The following PCYT2 variants were observed in gnomAD, a reference collection of about 807,000 sequenced individuals.
PCYT2 encodes the protein phosphate cytidylyltransferase 2, ethanolamine, also known as ethanolamine-phosphate cytidylyltransferase.
In PCYT2, 33 loss-of-function variants were observed where a neutral mutation model predicts 50.0. The observed-to-expected ratio is 0.66, with a 90% CI of 0.50 to 0.88. The LOEUF is 0.88. PCYT2 is among the 40% of genes least tolerant of loss of function. The probability of loss-of-function intolerance (pLI) is 0.00; values close to 1 mark genes in which losing one functional copy is unlikely to be tolerated. For missense variants in PCYT2, 430 were observed against 519.7 expected (o/e 0.83, Z 1.68); for synonymous variants, 240 against 203.7 (o/e 1.18, Z -1.52).
At position 81,906,803 on chromosome 17, in the gene PCYT2, T is replaced by C; in HGVS notation, c.633A>G (p.Pro211=). The C allele has an allele frequency of 6.2e-7, 1 of 1,613,490 alleles. No individual in the cohort carries two copies. Among genetic ancestry groups the C allele is most frequent in the Non-Finnish European group, 8.5e-7 (1 of 1,179,960 alleles). ...IQFASGKEPQ[P]GETVIYVAGA... ...CAGCCACATAGATGACTGTCTCCCC[T>C]GGCTGGGGCTCCTTCCCAGAAGCAA... The change falls in exon 7 of 13, where the codon CCA becomes CCG. Residue 211 remains proline, a synonymous_variant. Transcript: ENST00000538936.
chr17:81,906,675 C>G, intron 7 of PCYT2, 85 bp downstream of exon 7: 1 of 1,592,576 alleles, frequency 6.3e-7, no homozygotes, highest in South Asian at 1.1e-5. Flanking sequence ...CCAGCCCAGT[C>G]TGGGGGCCCC....
At chr17:81,909,091 G>A (rs912772733) in intron 2 of PCYT2, 54 bp from the exon 3 acceptor site, 19 of 1,575,442 alleles carry the variant, frequency 1.2e-5, no homozygotes, top group African/African-American at 7.3e-5. Context: ...GGCCCCTCCA[G>A]TAGGAGGCCC....
At chr17:81,904,996 G>A (rs2040168545) in intron 12 of PCYT2, 52 bp from the exon 13 acceptor site, 1 of 1,587,254 alleles carries the variant, frequency 6.3e-7, no homozygotes, top group South Asian at 1.1e-5. Context: ...CGGCTCCGAG[G>A]GGGAGGGCAC....
intron 4 of PCYT2, 61 bp downstream of exon 4, chr17:81,908,507 G>A (rs766839917): frequency 8.9e-5 from 118 of 1,320,956 alleles, no homozygotes; most frequent in Admixed American, 2.4e-4. Flanking sequence ...AGCAAAGCAC[G>A]AGCCAGGAGG....
intron 3 of PCYT2, 49 bp downstream of exon 3, chr17:81,908,827 T>C: frequency 6.4e-7 from 1 of 1,550,552 alleles, no homozygotes; most frequent in Non-Finnish European, 8.9e-7. Context: ...GATCTGATCC[T>C]GAGCCACCTG....
intron 1 of PCYT2, among the ~76,000 whole-genome samples, chr17:81,910,689 C>T (rs2040546510): frequency 6.6e-6 from 1 of 152,262 alleles, no homozygotes; most frequent in African/African-American, 2.4e-5. Context: ...TTCCTGGATT[C>T]CATCCGGCAG....
rs374341998 is a variant in PCYT2 at position 81,904,920 on chromosome 17, C to T, written c.1083G>A (p.Gln361=). The change falls in exon 13 of 13, where the codon CAG becomes CAA. Residue 361 remains glutamine (Q), a synonymous_variant. Coordinates refer to ENST00000538936, the MANE Select transcript of PCYT2 (RefSeq NM_002861.5). ...AGGCCAGCTCCTTGGCTTCCTTCTTCTGGTTTCGCGCCTCATACTCCAACC... is the reference window on the plus strand; with the variant it reads ...AGGCCAGCTCCTTGGCTTCCTTCTTTTGGTTTCGCGCCTCATACTCCAACC... ...TNRLEYEARN[Q]KKEAKELAFL... The T allele has an allele frequency of 2.9e-5, 47 of 1,610,920 alleles. No homozygotes were observed. Among genetic ancestry groups the T allele is most frequent in the Middle Eastern group, 1.6e-4 (1 of 6,080 alleles).
intron 1 of PCYT2, chr17:81,911,021 C>T: frequency 1.0e-6 from 1 of 997,332 alleles, no homozygotes; most frequent in Non-Finnish European, 1.2e-6. Flanking sequence ...GGTGGCTGCA[C>T]CGGAGAGGTC....
At chr17:81,907,087 C>T (rs1206166480) in intron 6 of PCYT2, 189 bp from the exon 7 acceptor site, 21 of 1,078,674 alleles carry the variant, frequency 1.9e-5, no homozygotes, top group South Asian at 6.2e-5. Context: ...CAGCAGGCAC[C>T]GCAGCAGACA....
At chr17:81,911,132 C>T in intron 1 of PCYT2, 135 bp downstream of exon 1, 1 of 1,002,220 alleles carries the variant, frequency 1.0e-6, no homozygotes, top group South Asian at 4.6e-5. Context: ...AGCCCCGCAG[C>T]CTGCCAGCCC....
rs1283560991 is a variant in PCYT2 at position 81,904,767 on chromosome 17, C to G, written c.*66G>C. 12 of 1,108,290 alleles carry G rather than the reference C, an allele frequency of 1.1e-5. No homozygotes were observed. The highest frequency in any genetic ancestry group is 1.4e-5 in the South Asian group (1 of 72,374). The allele number at this position is 1,108,290 out of a possible 1,614,324, so 68.7% of individuals were successfully genotyped here. A position where few individuals can be genotyped will look rare whatever the true frequency, so the allele number is the denominator to read the frequency against. On this transcript the variant is annotated 3_prime_UTR_variant, in exon 13 of 13. Transcript: ENST00000538936. The stretch of plus-strand genomic sequence containing the variant: ...GTTAGAGAGGGCGGCCCTGCAGAGT[C>G]CTATGTCCAAACGCAGAAGGCGCAG...
Position 81,904,518 on chromosome 17 carries a change from G to C in PCYT2, c.*315C>G, listed in dbSNP as rs959971254. 2.2e-5 allele frequency: 8 copies of C among 362,680 alleles called. No individual in the cohort carries two copies. Among genetic ancestry groups the C allele is most frequent in the Non-Finnish European group, 3.6e-5 (7 of 196,728 alleles). The allele number at this position is 362,680 out of a possible 1,614,324, so 22.5% of individuals were successfully genotyped here. A position where few individuals can be genotyped will look rare whatever the true frequency, so the allele number is the denominator to read the frequency against. On this transcript the variant is annotated 3_prime_UTR_variant, in exon 13 of 13. Coordinates refer to ENST00000538936, the MANE Select transcript of PCYT2 (RefSeq NM_002861.5). ...TGGGTGGGCAGTCAGTGTGGCCTCT[G>C]TCCAGGTGGTGGGGGCATCCGGGGA...
chr17:81,906,743 A>G lies in PCYT2; in HGVS notation c.676+17T>C, dbSNP rs1486329618. ...CATGTGGCACATGTAGGGGAGCAGC[A>G]GAGGCCCAGAGGATACGGAACAGGT... On this transcript the variant is annotated intron_variant, in intron 7 of 12. Transcript: ENST00000538936. The G allele has an allele frequency of 6.2e-7, 1 of 1,611,552 alleles. No individual in the cohort carries two copies. The highest frequency in any genetic ancestry group is 8.5e-7 in the Non-Finnish European group (1 of 1,179,010).
intron 9 of PCYT2, 96 bp downstream of exon 9, chr17:81,906,004 C>T: frequency 8.8e-7 from 1 of 1,140,930 alleles, no homozygotes; most frequent in Non-Finnish European, 1.3e-6. Flanking sequence ...TGCCAGTGAC[C>T]CAAGCCCCCC....
chr17:81,911,181 C>A, intron 1 of PCYT2, 86 bp downstream of exon 1: 1 of 1,013,818 alleles, frequency 9.9e-7, no homozygotes. Flanking sequence ...AGAACGCGGG[C>A]CCGGTCCCCG....
intron 4 of PCYT2, among the ~76,000 whole-genome samples, 178 bp downstream of exon 4, chr17:81,908,390 C>T (rs2040394180): frequency 6.6e-6 from 1 of 152,250 alleles, no homozygotes; most frequent in South Asian, 2.1e-4. Flanking sequence ...ATGGCAAGGG[C>T]CTCCAGGCCA....
At chr17:81,910,772 C>T in intron 1 of PCYT2, 1 of 557,052 alleles carries the variant, frequency 1.8e-6, no homozygotes, top group Non-Finnish European at 2.3e-6. Context: ...CAACCCGAAA[C>T]TTTTCTTAAA....
Position 81,905,749 on chromosome 17 carries a change from G to C in PCYT2, c.838-14C>G. 1.2e-6 allele frequency: 2 copies of C among 1,613,070 alleles called. No homozygotes were observed. The highest frequency in any genetic ancestry group is 1.3e-5 in the African/African-American group (1 of 75,038). On this transcript the variant is annotated splice_polypyrimidine_tract_variant and intron_variant, in intron 9 of 12. Coordinates refer to ENST00000538936, the MANE Select transcript of PCYT2 (RefSeq NM_002861.5). ...TTCTGACACGTACTGTGGGGACAGTGGGGGCAGAAAGACTTGCTCGGTCCC... is the reference window on the plus strand; with the variant it reads ...TTCTGACACGTACTGTGGGGACAGTCGGGGCAGAAAGACTTGCTCGGTCCC...
rs2040223083 is a variant in PCYT2 at position 81,905,671 on chromosome 17, T to C, written c.902A>G (p.Lys301Arg). 2 of 1,613,302 alleles carry C rather than the reference T, an allele frequency of 1.2e-6. No homozygotes were observed. Among genetic ancestry groups the C allele is most frequent in the Non-Finnish European group, 1.7e-6 (2 of 1,179,732 alleles). Residue 301 changes from lysine (K) to arginine (R), a missense_variant and splice_region_variant, in exon 10 of 13, where the codon AAG becomes AGG. Transcript: ENST00000538936. ...AGGTGAGCCCATGCGGAGCCTCACC[T>C]TGAAGTGACTTAGGAGCTCTGCTGT... is the stretch of plus-strand genomic sequence containing the variant. Reference protein sequence around the residue: ...AVTAELLSHFKVDLVCHGKTE... With the variant: ...AVTAELLSHFRVDLVCHGKTE...
Sources: allele counts gnomAD v4.1 joint callset (sites outside exome capture counted in the v4.1 genomes callset), GRCh38; gene constraint gnomAD v4.1.1; transcripts MANE v1.5; gene names NCBI Gene and HGNC (gene_info 2026-07-23, HGNC 2026-07-21).